Variants in SVIL observed in about 807,000 individuals in gnomAD.
SVIL encodes the protein archvillin.
SVIL carries 101 observed loss-of-function variants against 240.4 expected under a neutral mutation model. That is an observed-to-expected ratio of 0.42 (90% CI 0.36 to 0.50). The LOEUF (loss-of-function observed/expected upper bound fraction) is 0.50. Among genes scored for constraint, SVIL ranks in the 20% least tolerant of loss-of-function variants. The pLI is 0.01. For missense variants in SVIL, 2,512 were observed against 2,818.7 expected (o/e 0.89, Z 2.46); for synonymous variants, 999 against 1,100.0 (o/e 0.91, Z 1.82).
At chr10:29,517,663 G>A (rs973224750) in intron 16 of SVIL, among the ~76,000 whole-genome samples, 4 of 152,154 alleles carry the variant, frequency 2.6e-5, no homozygotes, top group African/African-American at 9.7e-5. Flanking sequence ...GCCTCCAGCC[G>A]GTCCCTCTAG....
rs115654993 is a variant in SVIL at position 29,613,491 on chromosome 10, C to A, written c.-201+20929G>T. 4.8e-3 allele frequency among the ~76,000 whole-genome samples: 731 copies of A among 151,970 alleles called. 5 individuals are homozygous for A. Among genetic ancestry groups the A allele is most frequent in the African/African-American group, 0.017 (704 of 41,462 alleles). On this transcript the variant is annotated intron_variant, in intron 1 of 37. Coordinates refer to ENST00000355867, the MANE Select transcript of SVIL (RefSeq NM_021738.3). ...GGGATTACAAGTGCATATTACCATG[C>A]CCAGCCACTTAAAAAAATTTTTTTT...
At chr10:29,684,514 G>C (rs1177967638) in intron 2 of SVIL, among the ~76,000 whole-genome samples, 1 of 152,190 alleles carries the variant, frequency 6.6e-6, no homozygotes. Flanking sequence ...AAAGAGTTAA[G>C]TTATTGTCTA....
intron 1 of SVIL, chr10:29,697,977 A>T: frequency 1.1e-6 from 1 of 910,710 alleles, no homozygotes; most frequent in Non-Finnish European, 1.7e-6. Flanking sequence ...ATACGATGAC[A>T]AGGAGTTTGA....
intron 1 of SVIL, among the ~76,000 whole-genome samples, chr10:29,587,266 T>A (rs781759158): frequency 2.0e-5 from 3 of 152,166 alleles, no homozygotes; most frequent in Admixed American, 6.5e-5. Context: ...AATAGAACAG[T>A]ACTAGGCCAC....
intron 1 of SVIL, among the ~76,000 whole-genome samples, chr10:29,630,122 A>G (rs1048918229): frequency 1.3e-5 from 2 of 152,128 alleles, no homozygotes; most frequent in Non-Finnish European, 2.9e-5. Flanking sequence ...TCCCTGTCCG[A>G]GACACTCTGG....
chr10:29,493,954 C>T (rs1233479941), intron 20 of SVIL, among the ~76,000 whole-genome samples: 2 of 152,086 alleles, frequency 1.3e-5, no homozygotes, highest in Non-Finnish European at 2.9e-5. Flanking sequence ...GCTGGGGGAT[C>T]GCTTGAGCCC....
At chr10:29,706,888 A>G (rs1275597865) in intron 1 of SVIL, among the ~76,000 whole-genome samples, 1 of 152,230 alleles carries the variant, frequency 6.6e-6, no homozygotes, top group African/African-American at 2.4e-5. Context: ...CTGTTTAACA[A>G]ATAGGGAATC....
In SVIL at chr10:29,512,827, A is replaced by C. The variant is rs779875578; in HGVS notation, c.3424T>G (p.Trp1142Gly). The C allele has an allele frequency of 6.2e-7, 1 of 1,612,026 alleles. No homozygotes were observed. The highest frequency in any genetic ancestry group is 1.3e-5 in the African/African-American group (1 of 74,866). The change falls in exon 17 of 38, where the codon TGG becomes GGG. Residue 1142 changes from tryptophan to glycine, a missense_variant. By Grantham distance (184) the Trp-to-Gly change is radical. Transcript: ENST00000355867. ...TGCCTCCTGCTGAGTCTGTTTCTCC[A>C]ATCTTCCTCCCCGCTTTTCTTCAAC... ...ALLKKSGEED[W>G]RNRLSRRQEG...
chr10:29,552,494 C>A (rs1356005662), intron 5 of SVIL, among the ~76,000 whole-genome samples: 1 of 145,182 alleles, frequency 6.9e-6, no homozygotes, highest in Non-Finnish European at 1.5e-5. Context: ...ACCCGGGAGG[C>A]AGAGGTTGCA....
chr10:29,500,316 G>T (rs1948779204), intron 17 of SVIL, among the ~76,000 whole-genome samples: 1 of 152,144 alleles, frequency 6.6e-6, no homozygotes, highest in African/African-American at 2.4e-5. Context: ...CAAGACCCCT[G>T]TTTATGGCGA....
chr10:29,637,216 G>A (rs1183148154), upstream of SVIL, among the ~76,000 whole-genome samples: 1 of 152,168 alleles, frequency 6.6e-6, no homozygotes, highest in Non-Finnish European at 1.5e-5. Flanking sequence ...TGGGCGTGGT[G>A]GCTCATGCCT....
chr10:29,554,050 C>T (rs1377171852), intron 5 of SVIL, among the ~76,000 whole-genome samples: 1 of 152,136 alleles, frequency 6.6e-6, no homozygotes, highest in African/African-American at 2.4e-5. Flanking sequence ...CCTCCGTTAC[C>T]CAACAATGTG....
chr10:29,486,325 T>C (rs1219531374), intron 25 of SVIL, 85 bp downstream of exon 25: 86 of 1,592,676 alleles, frequency 5.4e-5, no homozygotes, highest in Non-Finnish European at 6.2e-5. Context: ...AAAATTTTAT[T>C]TACAATGTAA....
At chr10:29,553,065 G>C (rs1418613896) in intron 5 of SVIL, among the ~76,000 whole-genome samples, 1 of 150,222 alleles carries the variant, frequency 6.7e-6, no homozygotes, top group Non-Finnish European at 1.5e-5. Context: ...CTATTCTCCT[G>C]CCTCAGCCTC....
intron 1 of SVIL, among the ~76,000 whole-genome samples, chr10:29,613,321 T>C (rs1193276770): frequency 6.6e-6 from 1 of 152,050 alleles, no homozygotes. Context: ...TTCAAGATCT[T>C]TATCAAGTAT....
chr10:29,591,111 G>C (rs764726246), intron 1 of SVIL, among the ~76,000 whole-genome samples: 4 of 152,214 alleles, frequency 2.6e-5, no homozygotes, highest in African/African-American at 9.7e-5. Context: ...ACAAACTTAT[G>C]TTCTAGTAAT....
chr10:29,676,163 T>C (rs949245904), intron 2 of SVIL, among the ~76,000 whole-genome samples: 3 of 152,188 alleles, frequency 2.0e-5, no homozygotes, highest in East Asian at 1.9e-4. Flanking sequence ...GTCAGAGAGA[T>C]GGATTTGAGA....
chr10:29,586,010 C>T (rs1035143322), intron 1 of SVIL, among the ~76,000 whole-genome samples: 5 of 152,244 alleles, frequency 3.3e-5, no homozygotes, highest in Admixed American at 1.3e-4. Flanking sequence ...GGCATCTGAA[C>T]GAGCATTTCA....
At chr10:29,653,954 T>C (rs1958920503) in intron 3 of SVIL, among the ~76,000 whole-genome samples, 1 of 152,190 alleles carries the variant, frequency 6.6e-6, no homozygotes, top group Non-Finnish European at 1.5e-5. Context: ...TTAATTACTG[T>C]AGTTTTGTAA....
Sources: allele counts gnomAD v4.1 joint callset (sites outside exome capture counted in the v4.1 genomes callset), GRCh38; gene constraint gnomAD v4.1.1; transcripts MANE v1.5; gene names NCBI Gene and HGNC (gene_info 2026-07-23, HGNC 2026-07-21).